The following ITPR1 variants were observed in gnomAD, a reference collection of about 807,000 sequenced individuals.
The protein encoded by ITPR1 is inositol 1,4,5-trisphosphate-gated calcium channel ITPR1.
In ITPR1, 96 loss-of-function variants were observed where a neutral mutation model predicts 318.4. That is an observed-to-expected ratio of 0.30 (90% CI 0.26 to 0.36). The LOEUF is 0.36. ITPR1 is among the 10% of genes least tolerant of loss of function. ITPR1 has a pLI of 1.00. For missense variants in ITPR1, 2,440 were observed against 3,460.2 expected (o/e 0.71, Z 7.40); for synonymous variants, 1,312 against 1,289.9 (o/e 1.02, Z -0.37).
chr3:4,553,177 A>G (rs2085743288), intron 4 of ITPR1, among the ~76,000 whole-genome samples: 1 of 152,148 alleles, frequency 6.6e-6, no homozygotes, highest in Admixed American at 6.5e-5. Flanking sequence ...AGAAAAACTT[A>G]CGGAGAAGGC....
chr3:4,807,986 C>T (rs1351737655), intron 55 of ITPR1, among the ~76,000 whole-genome samples: 1 of 152,256 alleles, frequency 6.6e-6, no homozygotes, highest in African/African-American at 2.4e-5. Context: ...CCAGTAGACA[C>T]TTCGACCTTT....
At chr3:4,580,836 A>G (rs886119021) in intron 4 of ITPR1, among the ~76,000 whole-genome samples, 1 of 151,380 alleles carries the variant, frequency 6.6e-6, no homozygotes. Context: ...CAGTGGGCAC[A>G]TAGGGTGAGT....
In ITPR1 at chr3:4,681,062, A is replaced by T. The variant is rs146989564; in HGVS notation, c.3107-302A>T. Among the ~76,000 whole-genome samples the T allele has an allele frequency of 2.1e-3, 319 of 152,286 alleles. 3 individuals are homozygous for T. The highest frequency in any genetic ancestry group is 7.3e-3 in the African/African-American group (304 of 41,564). On this transcript the variant is annotated intron_variant, in intron 25 of 61. Coordinates refer to ENST00000649015, the MANE Select transcript of ITPR1 (RefSeq NM_001378452.1). ...TTTGGAAGTTTTTCCCTGCCCAGGAACTAGTGGTGACGGGAGATGGTAGGA... is the reference window on the plus strand; with the variant it reads ...TTTGGAAGTTTTTCCCTGCCCAGGATCTAGTGGTGACGGGAGATGGTAGGA...
chr3:4,567,958 C>G (rs1243969446), intron 4 of ITPR1, among the ~76,000 whole-genome samples: 1 of 148,814 alleles, frequency 6.7e-6, no homozygotes, highest in African/African-American at 2.5e-5. Context: ...ATCAACACTC[C>G]CAGTAAGTCA....
At chr3:4,783,789 T>C (rs1232668608) in intron 50 of ITPR1, 27 bp from the exon 51 acceptor site, 1 of 1,519,980 alleles carries the variant, frequency 6.6e-7, no homozygotes. Flanking sequence ...GACACCAACC[T>C]CCTGTATCTC....
intron 44 of ITPR1, among the ~76,000 whole-genome samples, chr3:4,764,261 T>G (rs1334404630): frequency 6.6e-6 from 1 of 152,230 alleles, no homozygotes; most frequent in Non-Finnish European, 1.5e-5. Flanking sequence ...TTTGAGCAAT[T>G]TTCTAGAATT....
chr3:4,494,503 T>C lies in ITPR1; in HGVS notation c.-20T>C, dbSNP rs951667115. ...TTGGCAACAGAGTGCCTGACCCAGG[T>C]CAGGTGAGTGTGGAAGCCTGAGTGC... On this transcript the variant is annotated 5_prime_UTR_variant, in exon 2 of 62. Coordinates refer to ENST00000649015, the MANE Select transcript of ITPR1 (RefSeq NM_001378452.1). 1 of 152,268 alleles carries C rather than the reference T, an allele frequency of 6.6e-6. No individual in the cohort carries two copies. The highest frequency in any genetic ancestry group is 1.5e-5 in the Non-Finnish European group (1 of 68,072). The allele number at this position is 152,268 out of a possible 1,614,324, so 9.4% of individuals were successfully genotyped here.
intron 36 of ITPR1, among the ~76,000 whole-genome samples, chr3:4,705,135 TC>T (rs1270281676): frequency 2.6e-5 from 4 of 152,182 alleles, no homozygotes; most frequent in Non-Finnish European, 5.9e-5. Context: ...TTTCTTTGCT[TC>T]TAGTGTTTTG....
At chr3:4,783,281 G>A (rs989394173) in intron 50 of ITPR1, among the ~76,000 whole-genome samples, 19 of 151,990 alleles carry the variant, frequency 1.3e-4, no homozygotes, top group Non-Finnish European at 1.8e-4. Flanking sequence ...GGATGCCGAC[G>A]TGCCTTGAGC....
chr3:4,807,047 C>T (rs1025312644), intron 55 of ITPR1, among the ~76,000 whole-genome samples: 2 of 149,544 alleles, frequency 1.3e-5, no homozygotes, highest in South Asian at 2.1e-4. Flanking sequence ...ATGATCAAGG[C>T]CTAAGGGTTG....
chr3:4,811,855 C>G (rs772076896), intron 56 of ITPR1, among the ~76,000 whole-genome samples: 1 of 152,118 alleles, frequency 6.6e-6, no homozygotes, highest in African/African-American at 2.4e-5. Flanking sequence ...TATGGGAGAA[C>G]GTTCGCTGCA....
At position 4,663,226 on chromosome 3, in the gene ITPR1, C is replaced by T; in HGVS notation, c.1554+20C>T. The T allele has an allele frequency of 1.3e-6, 2 of 1,596,940 alleles. No homozygotes were observed. The highest frequency in any genetic ancestry group is 1.7e-6 in the Non-Finnish European group (2 of 1,168,890). ...AAGCAGGTCGGTGAGATGTGGCGTA[C>T]TGGGGATTTGGCTTTATGAGAAATC... On this transcript the variant is annotated intron_variant, in intron 16 of 61. Coordinates refer to ENST00000649015, the MANE Select transcript of ITPR1 (RefSeq NM_001378452.1).
At chr3:4,834,549 G>C (rs934673687) in intron 60 of ITPR1, among the ~76,000 whole-genome samples, 6 of 152,154 alleles carry the variant, frequency 3.9e-5, no homozygotes, top group African/African-American at 9.7e-5. Flanking sequence ...GCCCTAGTGG[G>C]AGTGAGTGAT....
At chr3:4,588,272 T>C (rs2090090057) in intron 4 of ITPR1, among the ~76,000 whole-genome samples, 1 of 152,242 alleles carries the variant, frequency 6.6e-6, no homozygotes, top group Non-Finnish European at 1.5e-5. Context: ...GAGCTAGCTA[T>C]TACCAGAATG....
chr3:4,616,202 T>C (rs1254538083), intron 4 of ITPR1, among the ~76,000 whole-genome samples: 3 of 152,242 alleles, frequency 2.0e-5, no homozygotes, highest in African/African-American at 7.2e-5. Flanking sequence ...TAGATTATTC[T>C]TCTACCTTGA....
chr3:4,745,328 A>T (rs1436606617), intron 44 of ITPR1, among the ~76,000 whole-genome samples: 3 of 151,976 alleles, frequency 2.0e-5, no homozygotes, highest in Non-Finnish European at 2.9e-5. Context: ...CTATCTTTCA[A>T]CACAGATTCG....
At chr3:4,617,594 A>G (rs1388926810) in intron 4 of ITPR1, among the ~76,000 whole-genome samples, 2 of 152,228 alleles carry the variant, frequency 1.3e-5, no homozygotes, top group South Asian at 2.1e-4. Flanking sequence ...GGAGGAGACA[A>G]ACATTCAAAT....
chr3:4,738,538 G>C (rs1433510352), intron 44 of ITPR1, among the ~76,000 whole-genome samples: 1 of 152,208 alleles, frequency 6.6e-6, no homozygotes, highest in Admixed American at 6.5e-5. Flanking sequence ...GTGCACAAAG[G>C]CACCATTAAT....
intron 60 of ITPR1, among the ~76,000 whole-genome samples, chr3:4,828,086 G>T (rs1050048912): frequency 1.3e-5 from 2 of 152,054 alleles, no homozygotes; most frequent in Non-Finnish European, 2.9e-5. Context: ...ATGGAACGTG[G>T]TTGCGTTGAA....
Sources: gnomAD v4.1 joint callset for allele counts (sites outside exome capture counted in the v4.1 genomes callset) on GRCh38, gnomAD v4.1.1 for gene constraint, MANE v1.5 for transcripts, NCBI Gene and HGNC (gene_info 2026-07-23, HGNC 2026-07-21) for gene names.